CFI: variants seen among roughly 807,000 people sequenced by gnomAD.
The protein encoded by CFI is C3B/C4B inactivator.
Under a neutral mutation model 78.8 loss-of-function variants are expected in CFI, and 66 were observed. The ratio of observed to expected loss-of-function variants is 0.84; its 90% confidence interval spans 0.69 to 1.03. CFI has a LOEUF of 1.03. Among genes scored for constraint, CFI ranks in the 50% least tolerant of loss-of-function variants. The pLI is 0.00. For missense variants in CFI, 706 were observed against 704.5 expected (o/e 1.00, Z -0.02); for synonymous variants, 250 against 232.6 (o/e 1.07, Z -0.68).
chr4:109,779,893 T>G (rs1032625733), intron 1 of CFI, among the ~76,000 whole-genome samples: 1 of 152,142 alleles, frequency 6.6e-6, no homozygotes, highest in African/African-American at 2.4e-5. Context: ...GGATTCCCTA[T>G]TTAATAAATG....
At chr4:109,779,883 G>A (rs1463730261) in intron 1 of CFI, among the ~76,000 whole-genome samples, 1 of 152,106 alleles carries the variant, frequency 6.6e-6, no homozygotes, top group Non-Finnish European at 1.5e-5. Flanking sequence ...AATGGGGAAA[G>A]GATTCCCTAT....
In CFI at chr4:109,764,521, T is replaced by C. The variant is rs1257684724; in HGVS notation, c.482+16A>G. ...TTAAATCAGCCATGAGAAAATCCACTGATACAAGCGCTCACTGTTGAAACC... is the reference window on the plus strand; with the variant it reads ...TTAAATCAGCCATGAGAAAATCCACCGATACAAGCGCTCACTGTTGAAACC... On this transcript the variant is annotated intron_variant, in intron 3 of 12. Coordinates refer to ENST00000394634, the MANE Select transcript of CFI (RefSeq NM_000204.5). 3 of 1,613,904 alleles carry C rather than the reference T, an allele frequency of 1.9e-6. No homozygotes were observed. The highest frequency in any genetic ancestry group is 3.3e-5 in the Admixed American group (2 of 60,010).
rs78607599 is a variant in CFI, at chr4:109,795,604, C to T, written c.57+6311G>A. 0.011 allele frequency among the ~76,000 whole-genome samples: 1,750 copies of T among 152,210 alleles called. 88 individuals are homozygous for T. In the East Asian group the frequency reaches 0.13, roughly 11 times the overall value. ...GCTATAAAAGGACACAGATAAACAA[C>T]TACACAAAATTAGGGGAAAATAATT... On this transcript the variant is annotated intron_variant, in intron 1 of 12. Transcript: ENST00000394634.
chr4:109,771,090 G>A (rs1728526661), intron 1 of CFI, among the ~76,000 whole-genome samples: 1 of 152,018 alleles, frequency 6.6e-6, no homozygotes, highest in Non-Finnish European at 1.5e-5. Flanking sequence ...TATGCTTTCA[G>A]TAGGGAAGTA....
At chr4:109,790,851 A>C (rs181632091) in intron 1 of CFI, among the ~76,000 whole-genome samples, 200 of 152,244 alleles carry the variant, frequency 1.3e-3, no homozygotes, top group African/African-American at 4.6e-3. Flanking sequence ...TCTACCATTG[A>C]TGGGCATTTA....
intron 10 of CFI, among the ~76,000 whole-genome samples, chr4:109,748,368 G>C (rs1374561186): frequency 6.6e-6 from 1 of 152,184 alleles, no homozygotes; most frequent in African/African-American, 2.4e-5. Flanking sequence ...CTTTCATGGA[G>C]TTCACGATCT....
intron 1 of CFI, among the ~76,000 whole-genome samples, chr4:109,783,547 G>A (rs1454438315): frequency 4.6e-5 from 7 of 151,898 alleles, no homozygotes; most frequent in Non-Finnish European, 1.0e-4. Context: ...TGGATGTGGT[G>A]ATCAGGGAAC....
At chr4:109,761,186 G>A (rs1727010865) in intron 4 of CFI, among the ~76,000 whole-genome samples, 1 of 152,122 alleles carries the variant, frequency 6.6e-6, no homozygotes, top group Admixed American at 6.5e-5. Context: ...CATATATGCT[G>A]GCCCTCTTAA....
At chr4:109,735,503 A>G in the CFI span, among the ~76,000 whole-genome samples, 1 of 152,324 alleles carries the variant, frequency 6.6e-6, no homozygotes, top group Admixed American at 6.5e-5. Context: ...AATCAATAAA[A>G]TATTAATGAT....
At chr4:109,749,018 AT>A (rs1252339224) in intron 10 of CFI, among the ~76,000 whole-genome samples, 199 bp downstream of exon 10, 2 of 152,172 alleles carry the variant, frequency 1.3e-5, no homozygotes, top group Non-Finnish European at 2.9e-5. Context: ...GAGATCAGCA[AT>A]TTTGGTCTGT....
chr4:109,789,159 T>TA (rs1731076690), intron 1 of CFI, among the ~76,000 whole-genome samples: 1 of 151,696 alleles, frequency 6.6e-6, no homozygotes. Flanking sequence ...AATAAAATTT[T>TA]AAAAAATAAA....
intron 1 of CFI, 106 bp from the exon 2 acceptor site, chr4:109,766,930 A>G (rs1027877879): frequency 1.8e-6 from 2 of 1,114,154 alleles, no homozygotes; most frequent in Non-Finnish European, 1.3e-6. Context: ...CACAGTACAG[A>G]TGAGGATGGT....
chr4:109,763,463 A>G (rs948505122), intron 3 of CFI, among the ~76,000 whole-genome samples: 6 of 152,082 alleles, frequency 3.9e-5, no homozygotes, highest in Non-Finnish European at 8.8e-5. Context: ...GTAAATAATA[A>G]GCCTAAAAAC....
chr4:109,740,264 C>G (rs1193634951), downstream of CFI, among the ~76,000 whole-genome samples: 1 of 151,234 alleles, frequency 6.6e-6, no homozygotes, highest in Non-Finnish European at 1.5e-5. Context: ...GCAGTCCATC[C>G]AGGGCAACAG....
chr4:109,772,581 G>GTTTT (rs35970339), intron 1 of CFI, among the ~76,000 whole-genome samples: 2 of 146,434 alleles, frequency 1.4e-5, no homozygotes, highest in African/African-American at 2.5e-5. Context: ...GAATTTGATC[G>GTTTT]TTTTTTTTTT....
intron 1 of CFI, among the ~76,000 whole-genome samples, chr4:109,775,394 C>T (rs552589568): frequency 4.6e-5 from 7 of 152,354 alleles, no homozygotes; most frequent in African/African-American, 1.7e-4. Context: ...CGGAGCCCCA[C>T]TCATTGCTAG....
intron 1 of CFI, among the ~76,000 whole-genome samples, chr4:109,781,190 G>A (rs1172018119): frequency 4.0e-5 from 6 of 150,876 alleles, no homozygotes; most frequent in African/African-American, 1.5e-4. Flanking sequence ...AATGAAATTG[G>A]AAAAAAAAGT....
intron 1 of CFI, among the ~76,000 whole-genome samples, chr4:109,791,203 G>A (rs72890337): frequency 0.028 from 4,304 of 152,200 alleles, 205 homozygotes; most frequent in African/African-American, 0.099. Flanking sequence ...GATCACTGAT[G>A]TTGGGCTTTT....
chr4:109,757,294 A>G (rs527270841), intron 7 of CFI, among the ~76,000 whole-genome samples: 5 of 151,980 alleles, frequency 3.3e-5, no homozygotes, highest in Admixed American at 2.6e-4. Context: ...TTGGCATCCC[A>G]AAGTGCTGGG....
Sources: allele counts gnomAD v4.1 joint callset (sites outside exome capture counted in the v4.1 genomes callset), GRCh38; gene constraint gnomAD v4.1.1; transcripts MANE v1.5; gene names NCBI Gene and HGNC (gene_info 2026-07-23, HGNC 2026-07-21).